The following GCSAML variants were observed in gnomAD, a reference collection of about 807,000 sequenced individuals.
The protein encoded by GCSAML is germinal center associated signaling and motility like.
In GCSAML, 9 loss-of-function variants were observed where a neutral mutation model predicts 13.0. The observed-to-expected ratio is 0.69, with a 90% confidence interval of 0.42 to 1.21. The LOEUF is 1.21. GCSAML is among the 50% of genes most tolerant of loss of function. The pLI is 0.00. For synonymous variants in GCSAML, 37 were observed against 52.9 expected, an observed-to-expected ratio of 0.70 and a Z score of 1.31; for missense variants, 143 against 153.4, an observed-to-expected ratio of 0.93 and a Z score of 0.36.
chr1:247,532,608 A>G (rs1667031839), intron 2 of GCSAML: 2 of 1,169,324 alleles, frequency 1.7e-6, no homozygotes, highest in Admixed American at 4.7e-5. Flanking sequence ...GCAAACATTA[A>G]AAGTGTATTT....
At chr1:247,566,885 A>G (rs1039118310) in intron 4 of GCSAML, among the ~76,000 whole-genome samples, 20 of 151,882 alleles carry the variant, frequency 1.3e-4, no homozygotes, top group Admixed American at 1.0e-3. Flanking sequence ...ATAATGAATA[A>G]TTACTTATTC....
At chr1:247,562,555 G>A (rs971960851) in intron 2 of GCSAML, among the ~76,000 whole-genome samples, 1 of 152,174 alleles carries the variant, frequency 6.6e-6, no homozygotes, top group Non-Finnish European at 1.5e-5. Flanking sequence ...GTGGCATGTC[G>A]TTTTAGAATG....
intron 2 of GCSAML, among the ~76,000 whole-genome samples, chr1:247,559,741 T>C (rs74152628): frequency 0.12 from 18,512 of 152,118 alleles, 2,165 homozygotes; most frequent in African/African-American, 0.3. Flanking sequence ...TTGGCAGAGG[T>C]GGGCTGTTTT....
At chr1:247,574,005 T>G in intron 4 of GCSAML, 138 bp from the exon 5 acceptor site, 1 of 855,042 alleles carries the variant, frequency 1.2e-6, no homozygotes, top group Non-Finnish European at 1.9e-6. Flanking sequence ...ATTATTGGTG[T>G]ACAGGAATGC....
chr1:247,529,176 A>G (rs771635570), intron 2 of GCSAML: 5 of 152,250 alleles, frequency 3.3e-5, no homozygotes, highest in Non-Finnish European at 5.9e-5. Flanking sequence ...TTATAGGGAC[A>G]GAATAATATT....
intron 4 of GCSAML, among the ~76,000 whole-genome samples, chr1:247,567,410 G>A (rs1158326852): frequency 6.6e-6 from 1 of 152,030 alleles, no homozygotes; most frequent in African/African-American, 2.4e-5. Context: ...TTCCACTTAT[G>A]AGTGGGAACA....
At position 247,527,008 on chromosome 1, in the gene GCSAML, G is replaced by T. The variant is rs1432057665; in HGVS notation, c.-194G>T. Reference sequence around the variant, plus strand: ...TCTACTGGATGTGGAGCCAGAAATTGTGTGGAATGCCTGGTGTTTCTTTCA... The same window carrying T: ...TCTACTGGATGTGGAGCCAGAAATTTTGTGGAATGCCTGGTGTTTCTTTCA... On this transcript the variant is annotated 5_prime_UTR_variant, in exon 2 of 6. Coordinates refer to the GCSAML transcript ENST00000366489. The surrounding 1 kb of genome is among the most constrained non-coding windows in gnomAD (Gnocchi z 4.6). 1.8e-5 allele frequency: 8 copies of T among 456,622 alleles called. No individual in the cohort carries two copies. The highest frequency in any genetic ancestry group is 3.5e-5 in the Non-Finnish European group (8 of 226,980). The allele number at this position is 456,622 out of a possible 1,614,324, so 28.3% of individuals were successfully genotyped here. A position where few individuals can be genotyped will look rare whatever the true frequency, so the allele number is the denominator to read the frequency against.
intron 3 of GCSAML, among the ~76,000 whole-genome samples, chr1:247,564,412 G>C (rs1668262371): frequency 6.7e-6 from 1 of 149,796 alleles, no homozygotes; most frequent in African/African-American, 2.5e-5. Flanking sequence ...AATTTGCTCT[G>C]TTTGCCATAG....
At chr1:247,535,615 C>T (rs1276589405) in intron 2 of GCSAML, among the ~76,000 whole-genome samples, 1 of 152,100 alleles carries the variant, frequency 6.6e-6, no homozygotes, top group East Asian at 1.9e-4. Flanking sequence ...GTAAATGATG[C>T]TGAGAGGAAC....
chr1:247,540,332 G>C (rs1667370881), intron 2 of GCSAML, among the ~76,000 whole-genome samples: 1 of 152,172 alleles, frequency 6.6e-6, no homozygotes, highest in Admixed American at 6.5e-5. Context: ...CGCCCAGCCA[G>C]TTTCCATCTC....
At chr1:247,509,916 G>C (rs1665970714) in intron 1 of GCSAML, among the ~76,000 whole-genome samples, 1 of 152,146 alleles carries the variant, frequency 6.6e-6, no homozygotes, top group South Asian at 2.1e-4. Flanking sequence ...GTATTTTATT[G>C]AGGATTTTTG....
chr1:247,531,311 G>A, intron 2 of GCSAML: 3 of 535,562 alleles, frequency 5.6e-6, no homozygotes, highest in Non-Finnish European at 6.6e-6. Context: ...CAAGATGACA[G>A]TCAACATGTG....
intron 1 of GCSAML, among the ~76,000 whole-genome samples, chr1:247,522,916 T>TAAA (rs36008669): frequency 7.6e-6 from 1 of 132,096 alleles, no homozygotes; most frequent in African/African-American, 2.8e-5. Context: ...CAATAAATAC[T>TAAA]AAAAAAAAAA....
intron 1 of GCSAML, among the ~76,000 whole-genome samples, chr1:247,513,523 G>A (rs911017482): frequency 8.5e-5 from 13 of 152,202 alleles, no homozygotes; most frequent in African/African-American, 2.9e-4. Context: ...GGATAGTTCT[G>A]TCTTGCTGGC....
chr1:247,531,679 A>G, intron 2 of GCSAML: 2 of 1,614,146 alleles, frequency 1.2e-6, no homozygotes, highest in Admixed American at 3.3e-5. Context: ...TACGGTGTAG[A>G]ACAGAGCTAT....
chr1:247,562,933 G>T (rs569359046), intron 2 of GCSAML, among the ~76,000 whole-genome samples: 2 of 151,904 alleles, frequency 1.3e-5, no homozygotes, highest in Non-Finnish European at 2.9e-5. Flanking sequence ...TCTGCCTCCC[G>T]GGTTCAAGCA....
At chr1:247,543,387 TTTA>T (rs1423503615) in intron 2 of GCSAML, among the ~76,000 whole-genome samples, 1 of 152,238 alleles carries the variant, frequency 6.6e-6, no homozygotes, top group East Asian at 1.9e-4. Context: ...TGTTCTATTT[TTTA>T]TTATTAATCT....
chr1:247,552,011 A>G (rs1667793999), intron 1 of GCSAML, among the ~76,000 whole-genome samples: 1 of 152,208 alleles, frequency 6.6e-6, no homozygotes, highest in Admixed American at 6.5e-5. Flanking sequence ...GTTCTTACAC[A>G]GAAAGATACA....
In GCSAML at chr1:247,576,908, T is replaced by G. The variant is rs568682271; in HGVS notation, c.*2526T>G. ...TATTTGTAATAAAATTAATTTTAAT[T>G]TGAGTAACAATCTGGAATTATCAGA... On this transcript the variant is annotated 3_prime_UTR_variant, in exon 5 of 5. Coordinates refer to ENST00000366488, the MANE Select transcript of GCSAML (RefSeq NM_145278.5). 21 of 152,290 alleles carry G rather than the reference T, an allele frequency of 1.4e-4. No homozygotes were observed. The highest frequency in any genetic ancestry group is 4.6e-4 in the African/African-American group (19 of 41,554). 9.4% of individuals were successfully genotyped at this position (152,290 alleles called of 1,614,324 possible).
Sources: gnomAD v4.1 joint callset for allele counts (sites outside exome capture counted in the v4.1 genomes callset) on GRCh38, gnomAD v4.1.1 for gene constraint, Gnocchi (gnomAD v3.1) non-coding constraint, MANE v1.5 for transcripts, NCBI Gene and HGNC (gene_info 2026-07-23, HGNC 2026-07-21) for gene names.